The following NEO1 variants were observed in gnomAD, a reference collection of about 807,000 sequenced individuals.
NEO1 encodes the protein neogenin 1, also known as neogenin.
Under a neutral mutation model 159.7 loss-of-function variants are expected in NEO1, and 63 were observed. That is an observed-to-expected ratio of 0.39 (90% CI 0.32 to 0.49). The LOEUF (loss-of-function observed/expected upper bound fraction) is 0.49. Among genes scored for constraint, NEO1 ranks in the 20% least tolerant of loss-of-function variants. NEO1 has a pLI of 0.85. For synonymous variants in NEO1, 633 were observed against 662.0 expected (o/e 0.96, Z 0.67); for missense variants, 1,615 against 1,831.0 (o/e 0.88, Z 2.15).
chr15:73,062,343 T>C (rs2068019054), intron 1 of NEO1, among the ~76,000 whole-genome samples: 1 of 152,268 alleles, frequency 6.6e-6, no homozygotes, highest in Admixed American at 6.5e-5. Context: ...TATTCATATA[T>C]CTATATCTTT....
At chr15:73,292,302 A>G (rs544919710) in intron 25 of NEO1, among the ~76,000 whole-genome samples, 1 of 152,342 alleles carries the variant, frequency 6.6e-6, no homozygotes, top group South Asian at 2.1e-4. Context: ...GACAGAAGAC[A>G]TTTCAATAGG....
intron 7 of NEO1, among the ~76,000 whole-genome samples, chr15:73,187,854 G>A (rs1388036283): frequency 6.6e-6 from 1 of 152,110 alleles, no homozygotes; most frequent in Non-Finnish European, 1.5e-5. Flanking sequence ...CAAAAAGGAT[G>A]CTCCACAGTC....
At chr15:73,301,792 T>C (rs564960048) in intron 28 of NEO1, among the ~76,000 whole-genome samples, 2 of 152,170 alleles carry the variant, frequency 1.3e-5, no homozygotes, top group South Asian at 2.1e-4. Flanking sequence ...CTCAGCCTCC[T>C]GAGTAGCTGG....
intron 4 of NEO1, among the ~76,000 whole-genome samples, chr15:73,134,801 G>T (rs2031564283): frequency 6.6e-6 from 1 of 152,068 alleles, no homozygotes; most frequent in South Asian, 2.1e-4. Flanking sequence ...CTGGGGTCAG[G>T]AGTTTGAGGC....
chr15:73,139,402 G>C (rs73440073), intron 5 of NEO1, among the ~76,000 whole-genome samples: 2,554 of 152,198 alleles, frequency 0.017, 78 homozygotes, highest in African/African-American at 0.059. Flanking sequence ...TATGGAATGG[G>C]AGAAAATATT....
chr15:73,258,871 T>C lies in NEO1; in HGVS notation c.2198T>C (p.Leu733Pro), dbSNP rs969992636. ...TCTGCTGAAACTTTTGAAAGTGACC[T>C]AGATGGTAAGAATAACAATTGGCAA... ...WLSAETFESDLDETRVPEVPS... is the reference protein window; with the variant it reads ...WLSAETFESDPDETRVPEVPS... The change falls in exon 14 of 29, where the codon CTA becomes CCA. Residue 733 changes from leucine to proline, a missense_variant. Leu to Pro is a moderately conservative substitution (Grantham distance 98). Around this residue, in one of 3 missense-constraint regions of NEO1, gnomAD observed 1,018 missense variants for 1,115.4 expected, o/e 0.91. Transcript: ENST00000261908. 6.2e-7 allele frequency: 1 copy of C among 1,612,950 alleles called. No individual in the cohort carries two copies. The highest frequency in any genetic ancestry group is 2.2e-5 in the East Asian group (1 of 44,852).
At position 73,243,437 on chromosome 15, in the gene NEO1, C is replaced by T. The variant is rs536989832; in HGVS notation, c.1452-907C>T. Reference sequence around the variant, plus strand: ...AGGCTCTTTAATTACTTTCTCAAGACAGGTATAGCTGTTTCCTCACATGAA... The same window carrying T: ...AGGCTCTTTAATTACTTTCTCAAGATAGGTATAGCTGTTTCCTCACATGAA... On this transcript the variant is annotated intron_variant, in intron 8 of 28. Transcript: ENST00000261908. Among the ~76,000 whole-genome samples the T allele has an allele frequency of 4.6e-5, 7 of 152,306 alleles. No homozygotes were observed. The South Asian group carries it at 1.0e-3, about 23-fold the overall frequency.
intron 1 of NEO1, among the ~76,000 whole-genome samples, chr15:73,081,552 T>G (rs1228813426): frequency 6.6e-6 from 1 of 151,988 alleles, no homozygotes; most frequent in Non-Finnish European, 1.5e-5. Flanking sequence ...CACCTGGTGG[T>G]GAAATATTAC....
At chr15:73,226,264 C>T (rs145130862) in intron 7 of NEO1, among the ~76,000 whole-genome samples, 149 of 152,268 alleles carry the variant, frequency 9.8e-4, no homozygotes, top group African/African-American at 3.4e-3. Flanking sequence ...ATTCACAGTG[C>T]GAGCCTCCGC....
intron 9 of NEO1, among the ~76,000 whole-genome samples, chr15:73,244,957 A>AAAAC (rs2039688084): frequency 3.2e-5 from 4 of 123,842 alleles, no homozygotes; most frequent in African/African-American, 1.2e-4. Context: ...TCTGTCTCAA[A>AAAAC]AAAAAAAAAA....
At chr15:73,274,048 G>A (rs1367353395) in intron 20 of NEO1, 43 bp downstream of exon 20, 36 of 1,568,988 alleles carry the variant, frequency 2.3e-5, no homozygotes, top group Non-Finnish European at 3.1e-5. Flanking sequence ...TGTCTCTTTA[G>A]TGGGGCTATG....
At chr15:73,105,672 T>C (rs76985330) in intron 1 of NEO1, among the ~76,000 whole-genome samples, 45,254 of 152,040 alleles carry the variant, frequency 0.3, 8,423 homozygotes, top group Admixed American at 0.44. Flanking sequence ...TTTTATGACA[T>C]TCACTTTATT....
intron 2 of NEO1, among the ~76,000 whole-genome samples, chr15:73,120,388 A>T (rs942232957): frequency 3.3e-5 from 5 of 150,486 alleles, no homozygotes; most frequent in Non-Finnish European, 7.4e-5. Context: ...AATCCCCTTG[A>T]AATAAAAAAA....
intron 7 of NEO1, among the ~76,000 whole-genome samples, chr15:73,186,229 ATAAT>A (rs1035358338): frequency 6.6e-6 from 1 of 151,984 alleles, no homozygotes; most frequent in African/African-American, 2.4e-5. Context: ...TTAAAAAAAA[ATAAT>A]TAAGGGGCCA....
At chr15:73,176,377 G>A (rs753308898) in intron 5 of NEO1, 26 bp from the exon 6 acceptor site, 1 of 1,452,138 alleles carries the variant, frequency 6.9e-7, no homozygotes, top group East Asian at 2.4e-5. Context: ...TTTCATTAAT[G>A]TCTTAATTTC....
At chr15:73,213,771 C>T (rs796140934) in intron 7 of NEO1, among the ~76,000 whole-genome samples, 1 of 152,210 alleles carries the variant, frequency 6.6e-6, no homozygotes, top group African/African-American at 2.4e-5. Flanking sequence ...TTATTTTCCT[C>T]TGGGTAGATA....
chr15:73,234,587 C>T (rs1158358879), intron 7 of NEO1, among the ~76,000 whole-genome samples: 1 of 152,182 alleles, frequency 6.6e-6, no homozygotes, highest in Non-Finnish European at 1.5e-5. Flanking sequence ...GTGTACAGTA[C>T]TACAAGGCCT....
At chr15:73,288,202 C>T in intron 23 of NEO1, 111 bp from the exon 24 acceptor site, 1 of 1,031,338 alleles carries the variant, frequency 9.7e-7, no homozygotes, top group African/African-American at 1.6e-5. Context: ...TTAGTTTTTG[C>T]TTTTTTTGCT....
intron 5 of NEO1, among the ~76,000 whole-genome samples, chr15:73,169,844 A>G (rs2034835718): frequency 2.0e-5 from 3 of 151,908 alleles, no homozygotes; most frequent in Non-Finnish European, 2.9e-5. Flanking sequence ...TTTATAATCT[A>G]AATAAGAGGA....
Sources: allele counts gnomAD v4.1 joint callset (sites outside exome capture counted in the v4.1 genomes callset), GRCh38; gene constraint gnomAD v4.1.1; regional missense constraint gnomAD v4.1.1; transcripts MANE v1.5; gene names NCBI Gene and HGNC (gene_info 2026-07-23, HGNC 2026-07-21).